RBFOX1: variants seen among roughly 807,000 people sequenced by gnomAD.
The protein encoded by RBFOX1 is RNA binding fox-1 homolog 1, also known as RNA binding protein fox-1 homolog 1.
RBFOX1 carries 8 observed loss-of-function variants against 57.7 expected under a neutral mutation model. The observed-to-expected ratio is 0.14, with a 90% CI of 0.08 to 0.25. The LOEUF (loss-of-function observed/expected upper bound fraction) is 0.25. Among genes scored for constraint, RBFOX1 ranks in the 10% least tolerant of loss-of-function variants. RBFOX1 has a pLI of 1.00. For synonymous variants in RBFOX1, 326 were observed against 222.4 expected (o/e 1.47, Z -4.15); for missense variants, 611 against 548.5 (o/e 1.11, Z -1.14).
At chr16:6,041,004 C>G (rs546031347) in intron 1 of RBFOX1, among the ~76,000 whole-genome samples, 1 of 152,238 alleles carries the variant, frequency 6.6e-6, no homozygotes, top group East Asian at 1.9e-4. Context: ...GCTATTATGA[C>G]AGTTTTATGG....
chr16:6,976,212 G>A (rs1045780029), intron 3 of RBFOX1, among the ~76,000 whole-genome samples: 4 of 152,094 alleles, frequency 2.6e-5, no homozygotes, highest in African/African-American at 9.7e-5. Context: ...GTTCTTATAT[G>A]AGCATTCTAA....
intron 2 of RBFOX1, among the ~76,000 whole-genome samples, chr16:5,477,136 T>A (rs1597224027): frequency 6.6e-6 from 1 of 152,198 alleles, no homozygotes; most frequent in African/African-American, 2.4e-5. Context: ...CACCTTAGCC[T>A]CCTGAGTAGC....
chr16:7,463,865 C>T (rs2060013403), intron 4 of RBFOX1, among the ~76,000 whole-genome samples: 1 of 152,164 alleles, frequency 6.6e-6, no homozygotes, highest in African/African-American at 2.4e-5. Flanking sequence ...TTGATTGGAT[C>T]ATTTAATCCC....
intron 4 of RBFOX1, among the ~76,000 whole-genome samples, chr16:7,231,685 G>A (rs527873556): frequency 8.8e-4 from 134 of 152,272 alleles, no homozygotes; most frequent in African/African-American, 3.2e-3. Flanking sequence ...TGAACAAAAT[G>A]TGGTCTATCC....
At chr16:6,330,275 C>G (rs1301669447) in intron 2 of RBFOX1, among the ~76,000 whole-genome samples, 2 of 152,152 alleles carry the variant, frequency 1.3e-5, no homozygotes, top group East Asian at 1.9e-4. Context: ...GTGGCTGAAA[C>G]AGATTGCAAG....
intron 3 of RBFOX1, among the ~76,000 whole-genome samples, chr16:5,701,220 C>T (rs766209): frequency 0.2 from 31,098 of 152,226 alleles, 4,472 homozygotes; most frequent in East Asian, 0.65. Flanking sequence ...CCAGACTATG[C>T]TGTTTCAGCT....
chr16:6,377,346 A>G (rs1328801086), intron 2 of RBFOX1, among the ~76,000 whole-genome samples: 4 of 152,114 alleles, frequency 2.6e-5, no homozygotes, highest in African/African-American at 9.7e-5. Flanking sequence ...TTAATTCCAT[A>G]TGAACTCATC....
chr16:6,479,917 G>A (rs1045051911), intron 2 of RBFOX1, among the ~76,000 whole-genome samples: 2 of 151,944 alleles, frequency 1.3e-5, no homozygotes, highest in Non-Finnish European at 2.9e-5. Context: ...TGGGCATGGT[G>A]GCGGGTACCT....
chr16:5,530,163 C>G (rs970364506), intron 2 of RBFOX1, among the ~76,000 whole-genome samples: 2 of 152,170 alleles, frequency 1.3e-5, no homozygotes, highest in Non-Finnish European at 2.9e-5. Context: ...CCTGAGAGCT[C>G]TGATTCTTGA....
chr16:7,246,355 C>A (rs1040416590), intron 4 of RBFOX1, among the ~76,000 whole-genome samples: 1 of 152,182 alleles, frequency 6.6e-6, no homozygotes, highest in Admixed American at 6.5e-5. Context: ...GCATCCCCCA[C>A]AGCAAAGCAG....
At chr16:5,963,062 A>C (rs1195259602) in intron 4 of RBFOX1, among the ~76,000 whole-genome samples, 1 of 152,164 alleles carries the variant, frequency 6.6e-6, no homozygotes, top group Non-Finnish European at 1.5e-5. Flanking sequence ...CCTGATCGTA[A>C]TATGTGAGTT....
intron 2 of RBFOX1, among the ~76,000 whole-genome samples, chr16:6,378,251 C>G (rs1431047111): frequency 1.3e-5 from 2 of 152,232 alleles, no homozygotes; most frequent in African/African-American, 2.4e-5. Flanking sequence ...TCGGGCACAG[C>G]TGCCAGTGCT....
At chr16:6,615,006 A>G (rs759237745) in intron 2 of RBFOX1, among the ~76,000 whole-genome samples, 56 of 152,330 alleles carry the variant, frequency 3.7e-4, no homozygotes, top group Middle Eastern at 3.4e-3. Context: ...GGCATTATTT[A>G]TTAAGAGAAA....
chr16:5,609,613 A>G (rs1407444343), intron 3 of RBFOX1, among the ~76,000 whole-genome samples: 1 of 152,108 alleles, frequency 6.6e-6, no homozygotes, highest in East Asian at 1.9e-4. Context: ...GCCAAACCAA[A>G]TGGGACCCTG....
At chr16:6,654,574 C>T (rs769682147) in intron 2 of RBFOX1, 29 bp from the exon 3 acceptor site, 1 of 1,491,128 alleles carries the variant, frequency 6.7e-7, no homozygotes, top group Non-Finnish European at 8.9e-7. Flanking sequence ...TTCTTTCTCT[C>T]ACTTTCCTTT....
chr16:6,606,597 G>A lies in RBFOX1; in HGVS notation c.-63-48006G>A, dbSNP rs117088514. 6.3e-3 allele frequency among the ~76,000 whole-genome samples: 953 copies of A among 152,182 alleles called. 11 individuals carry two copies. Among genetic ancestry groups the A allele is most frequent in the Middle Eastern group, 0.02 (6 of 294 alleles). ...TGTTCTCATTGTTCAGCTCCCACCTGGAAGTGAGAACATGTGGTGTTTGGT... is the reference window on the plus strand; with the variant it reads ...TGTTCTCATTGTTCAGCTCCCACCTAGAAGTGAGAACATGTGGTGTTTGGT... On this transcript the variant is annotated intron_variant, in intron 2 of 15. Coordinates refer to ENST00000550418, the MANE Select transcript of RBFOX1 (RefSeq NM_018723.4).
chr16:6,174,492 G>T (rs918769442), intron 1 of RBFOX1, among the ~76,000 whole-genome samples: 1 of 152,178 alleles, frequency 6.6e-6, no homozygotes, highest in African/African-American at 2.4e-5. Context: ...CTATTGGGGA[G>T]GCTGAGGCAC....
intron 3 of RBFOX1, among the ~76,000 whole-genome samples, chr16:6,908,813 G>A (rs1387511406): frequency 6.6e-6 from 1 of 152,134 alleles, no homozygotes; most frequent in Non-Finnish European, 1.5e-5. Context: ...ATTGATAAAT[G>A]GAGGTGAGGT....
At chr16:5,964,258 CGTT>C (rs557026761) in intron 4 of RBFOX1, among the ~76,000 whole-genome samples, 140 of 152,088 alleles carry the variant, frequency 9.2e-4, no homozygotes, top group African/African-American at 3.1e-3. Context: ...GTGTTGGTGA[CGTT>C]GTGGAGAAAA....
Sources: allele counts gnomAD v4.1 joint callset (sites outside exome capture counted in the v4.1 genomes callset), GRCh38; gene constraint gnomAD v4.1.1; transcripts MANE v1.5; gene names NCBI Gene and HGNC (gene_info 2026-07-23, HGNC 2026-07-21).